LMTK3: variants seen among roughly 807,000 people sequenced by gnomAD.
LMTK3 encodes serine/threonine-protein kinase LMTK3.
LMTK3 carries 27 observed loss-of-function variants against 116.7 expected under a neutral mutation model. The ratio of observed to expected loss-of-function variants is 0.23; its 90% CI spans 0.17 to 0.32. The LOEUF is 0.32. Ranked by LOEUF, LMTK3 falls within the 10% of genes least tolerant of loss-of-function variation. The pLI is 1.00. For synonymous variants in LMTK3, 965 were observed against 971.0 expected (o/e 0.99, Z 0.11); for missense variants, 1,764 against 2,068.5 (o/e 0.85, Z 2.86).
intron 9 of LMTK3, 66 bp downstream of exon 9, chr19:48,501,217 C>T: frequency 6.2e-7 from 1 of 1,606,756 alleles, no homozygotes; most frequent in Non-Finnish European, 8.5e-7. Context: ...TCTGTAGAAC[C>T]GGTGGCATCT....
At position 48,498,853 on chromosome 19, in the gene LMTK3, G is replaced by GC; in HGVS notation, c.2215dup (p.Ala739GlyfsTer801). On this transcript the variant is annotated frameshift_variant, in exon 11 of 15. Coordinates refer to ENST00000600059, the MANE Select transcript of LMTK3 (RefSeq NM_001388485.1). LOFTEE classifies it high-confidence loss of function. ...CCGCCCGGGGTACTGGGGCGCCGCC[G>GC]CCCCCATGAGGGGGTCCAGAAACTC... The GC allele has an allele frequency of 1.8e-6, 2 of 1,129,178 alleles. No homozygotes were observed. Among genetic ancestry groups the GC allele is most frequent in the Non-Finnish European group, 1.1e-6 (1 of 896,758 alleles). The allele number at this position is 1,129,178 out of a possible 1,614,324, so 69.9% of individuals were successfully genotyped here. A position where few individuals can be genotyped will look rare whatever the true frequency, so the allele number is the denominator to read the frequency against.
chr19:48,494,680 A>G lies in LMTK3; in HGVS notation c.3677-571T>C, dbSNP rs2147536294. Among the ~76,000 whole-genome samples, 1 of 152,304 alleles carries G rather than the reference A, an allele frequency of 6.6e-6. No homozygotes were observed. Among genetic ancestry groups the G allele is most frequent in the South Asian group, 2.1e-4 (1 of 4,824 alleles). On this transcript the variant is annotated intron_variant, in intron 11 of 14. Transcript: ENST00000600059. The surrounding 1 kb of genome is among the most constrained non-coding windows in gnomAD (Gnocchi z 4.0). ...CCTCACTGGCAAATGAACAAGGGTC[A>G]CTTAGCCCTCCATTACTGCATAAGT...
Position 48,491,684 on chromosome 19 carries a change from G to C in LMTK3, c.4093-145C>G. ...ATCACTGACTCGCACGCTCTGGAGA[G>C]GTGGCTGGAGCCCCTAATCTGGCTT... On this transcript the variant is annotated intron_variant, in intron 12 of 14. Transcript: ENST00000600059. The surrounding 1 kb of genome is among the most constrained non-coding windows in gnomAD (Gnocchi z 5.1). 1 of 763,762 alleles carries C rather than the reference G, an allele frequency of 1.3e-6. No homozygotes were observed. Among genetic ancestry groups the C allele is most frequent in the Non-Finnish European group, 1.8e-6 (1 of 555,140 alleles). The allele number at this position is 763,762 out of a possible 1,614,324, so 47.3% of individuals were successfully genotyped here. A position where few individuals can be genotyped will look rare whatever the true frequency, so the allele number is the denominator to read the frequency against.
chr19:48,512,160 A>G (rs1569108868), upstream of LMTK3, among the ~76,000 whole-genome samples: 1 of 152,116 alleles, frequency 6.6e-6, no homozygotes, highest in Admixed American at 6.5e-5. Context: ...AGGCACGCGC[A>G]GCCCACACAC....
At position 48,485,833 on chromosome 19, in the gene LMTK3, G is replaced by A. The variant is rs189065044; in HGVS notation, c.4367-44C>T. On this transcript the variant is annotated intron_variant, in intron 14 of 14. Transcript: ENST00000600059. ...GACAGAGAAATGAAATTACTAGGGGGACAGCCTCATGGCTTCTAGGTCACT... is the reference window on the plus strand; with the variant it reads ...GACAGAGAAATGAAATTACTAGGGGAACAGCCTCATGGCTTCTAGGTCACT... 5 of 1,586,698 alleles carry A rather than the reference G, an allele frequency of 3.2e-6. No individual in the cohort carries two copies. In the Admixed American group the frequency reaches 5.4e-5, roughly 17 times the overall value.
intron 12 of LMTK3, among the ~76,000 whole-genome samples, chr19:48,493,444 C>T (rs1318807922): frequency 6.9e-6 from 1 of 144,592 alleles, no homozygotes; most frequent in Non-Finnish European, 1.5e-5. Context: ...ATTCAGCTTG[C>T]CCTCCCTCCA....
intron 7 of LMTK3, 44 bp downstream of exon 7, chr19:48,502,389 C>G (rs1279779041): frequency 6.3e-7 from 1 of 1,595,712 alleles, no homozygotes; most frequent in Non-Finnish European, 8.5e-7. Flanking sequence ...CCTCCTTCCC[C>G]CTTCCCCTTA....
intron 14 of LMTK3, among the ~76,000 whole-genome samples, chr19:48,489,890 G>C (rs1972192292): frequency 6.6e-6 from 1 of 152,168 alleles, no homozygotes; most frequent in Non-Finnish European, 1.5e-5. Context: ...CTGTCCTGCC[G>C]AGCTGGGCAC....
At chr19:48,510,941 T>C (rs1972647972) in intron 1 of LMTK3, among the ~76,000 whole-genome samples, 1 of 152,180 alleles carries the variant, frequency 6.6e-6, no homozygotes, top group South Asian at 2.1e-4. Flanking sequence ...TACGCTCCCG[T>C]GGACAGCCTC....
intron 11 of LMTK3, among the ~76,000 whole-genome samples, chr19:48,495,956 A>G (rs977884164): frequency 2.0e-5 from 3 of 152,232 alleles, no homozygotes; most frequent in African/African-American, 7.2e-5. Flanking sequence ...CCAGCTCACT[A>G]GTCCTATGGT....
At position 48,494,683 on chromosome 19, in the gene LMTK3, T is replaced by TA. The variant is rs1336803265; in HGVS notation, c.3677-575dup. ...CACTGGCAAATGAACAAGGGTCACT[T>TA]AGCCCTCCATTACTGCATAAGTGAA... On this transcript the variant is annotated intron_variant, in intron 11 of 14. Coordinates refer to ENST00000600059, the MANE Select transcript of LMTK3 (RefSeq NM_001388485.1). This position sits in a 1 kb window ranked among gnomAD's most constrained non-coding sequence, Gnocchi z 4.0. 1.3e-5 allele frequency among the ~76,000 whole-genome samples: 2 copies of TA among 152,136 alleles called. No individual in the cohort carries two copies. The highest frequency in any genetic ancestry group is 1.5e-5 in the Non-Finnish European group (1 of 68,030).
At position 48,498,915 on chromosome 19, in the gene LMTK3, G is replaced by A. The variant is rs1972399554; in HGVS notation, c.2154C>T (p.Ala718=). Residue 718 remains alanine, a synonymous_variant, in exon 11 of 15, where the codon GCC becomes GCT. Transcript: ENST00000600059. The stretch of plus-strand genomic sequence containing the variant: ...AGGCGGGGGGGGCCATGGGCAAGTC[G>A]GCCAGGGAGCCCCGCTCTGCCCGCA... ...SSLRAERGSL[A]DLPMAPPASA... The A allele has an allele frequency of 1.6e-6, 2 of 1,286,610 alleles. No individual in the cohort carries two copies. Among genetic ancestry groups the A allele is most frequent in the Non-Finnish European group, 2.0e-6 (2 of 1,020,330 alleles). The allele number at this position is 1,286,610 out of a possible 1,614,324, so 79.7% of individuals were successfully genotyped here.
chr19:48,500,979 G>A lies in LMTK3; in HGVS notation c.1151+17C>T, dbSNP rs1156365633. ...GGGGTGCGGCAGGCCAGGAGCCCCG[G>A]GTGGGCTAGCCCTCACCAGTAGTCC... On this transcript the variant is annotated intron_variant, in intron 10 of 14. Transcript: ENST00000600059. This position sits in a 1 kb window ranked among gnomAD's most constrained non-coding sequence, Gnocchi z 4.0. 1.4e-6 allele frequency: 2 copies of A among 1,477,524 alleles called. No homozygotes were observed. Among genetic ancestry groups the A allele is most frequent in the Admixed American group, 2.6e-5 (1 of 38,088 alleles). 91.5% of individuals were successfully genotyped at this position (1,477,524 alleles called of 1,614,324 possible).
At chr19:48,493,637 AG>A in intron 12 of LMTK3, 56 bp downstream of exon 12, 1 of 1,504,612 alleles carries the variant, frequency 6.6e-7, no homozygotes. Flanking sequence ...TCCCGGCTCT[AG>A]GCTCCTGCTC....
rs112162862 is a variant in LMTK3, at chr19:48,496,527, G to C, written c.3676+866C>G. Among the ~76,000 whole-genome samples, 504 of 152,314 alleles carry C rather than the reference G, an allele frequency of 3.3e-3. 6 individuals are homozygous for C. The highest frequency in any genetic ancestry group is 0.011 in the African/African-American group (477 of 41,570). On this transcript the variant is annotated intron_variant, in intron 11 of 14. Transcript: ENST00000600059. ...TTGTCCAGGCTGGTCTTGAACTCCTGACCTCAGGTGATCCGCCCACCTCGG... is the reference window on the plus strand; with the variant it reads ...TTGTCCAGGCTGGTCTTGAACTCCTCACCTCAGGTGATCCGCCCACCTCGG...
At chr19:48,513,147 G>T (rs763098360), upstream of LMTK3, 52 of 1,601,648 alleles carry the variant, frequency 3.2e-5, no homozygotes, top group East Asian at 1.1e-3. This position sits in a 1 kb window ranked among gnomAD's most constrained non-coding sequence, Gnocchi z 5.6. Flanking sequence ...CACGTTTCCC[G>T]TGCGGTTACG....
At chr19:48,512,200 G>C (rs540580489), upstream of LMTK3, among the ~76,000 whole-genome samples, 19 of 152,208 alleles carry the variant, frequency 1.2e-4, no homozygotes, top group South Asian at 3.7e-3. Flanking sequence ...GACCCTCATA[G>C]ACAAGCGCAT....
Position 48,500,879 on chromosome 19 carries a change from T to C in LMTK3, c.1151+117A>G. On this transcript the variant is annotated intron_variant, in intron 10 of 14. Coordinates refer to ENST00000600059, the MANE Select transcript of LMTK3 (RefSeq NM_001388485.1). The surrounding 1 kb of genome is among the most constrained non-coding windows in gnomAD (Gnocchi z 4.0). Reference sequence around the variant, plus strand: ...AAGGGTGGGGACAGCCCCTCTTCACTCTTGAGGGGTATGGAGGGCAAACGG... The same window carrying C: ...AAGGGTGGGGACAGCCCCTCTTCACCCTTGAGGGGTATGGAGGGCAAACGG... 9.6e-7 allele frequency: 1 copy of C among 1,043,732 alleles called. No homozygotes were observed. The highest frequency in any genetic ancestry group is 1.3e-6 in the Non-Finnish European group (1 of 745,120). The allele number at this position is 1,043,732 out of a possible 1,614,324, so 64.7% of individuals were successfully genotyped here.
chr19:48,490,762 C>T (rs1203504541), intron 14 of LMTK3, among the ~76,000 whole-genome samples: 1 of 152,130 alleles, frequency 6.6e-6, no homozygotes, highest in Admixed American at 6.5e-5. Flanking sequence ...ACCGTGTTCC[C>T]CAAACGGAGG....
Sources: allele counts gnomAD v4.1 joint callset (sites outside exome capture counted in the v4.1 genomes callset), GRCh38; gene constraint gnomAD v4.1.1; non-coding constraint Gnocchi (gnomAD v3.1); transcripts MANE v1.5; gene names NCBI Gene and HGNC (gene_info 2026-07-23, HGNC 2026-07-21).